Variants in OCA2 observed in about 807,000 individuals in gnomAD.
OCA2 encodes the protein OCA2 melanosomal transmembrane protein.
In OCA2, 77 loss-of-function variants were observed where a neutral mutation model predicts 100.2. That is an observed-to-expected ratio of 0.77 (90% CI 0.64 to 0.93). OCA2 has a LOEUF of 0.93. Among genes scored for constraint, OCA2 ranks in the 40% least tolerant of loss-of-function variants. The probability of loss-of-function intolerance (pLI) is 0.00; values close to 1 mark genes in which losing one functional copy is unlikely to be tolerated. For synonymous variants in OCA2, 432 were observed against 439.2 expected (o/e 0.98, Z 0.21); for missense variants, 1,062 against 1,089.1 (o/e 0.98, Z 0.35).
In OCA2 at chr15:27,818,626, G is replaced by A. The variant is rs186397687; in HGVS notation, c.2432+26333C>T. Among the ~76,000 whole-genome samples the A allele has an allele frequency of 2.4e-3, 363 of 152,260 alleles. 2 individuals carry two copies. The highest frequency in any genetic ancestry group is 3.8e-3 in the Non-Finnish European group (256 of 68,022). On this transcript the variant is annotated intron_variant, in intron 23 of 23. Transcript: ENST00000354638. ...CACCTGCCTGGTGCTCCAGGAAGGTGAATCAGGTGTGAGGATGCAGCTGGG... is the reference window on the plus strand; with the variant it reads ...CACCTGCCTGGTGCTCCAGGAAGGTAAATCAGGTGTGAGGATGCAGCTGGG...
At chr15:27,823,069 C>G (rs964962946) in intron 23 of OCA2, among the ~76,000 whole-genome samples, 12 of 152,232 alleles carry the variant, frequency 7.9e-5, no homozygotes, top group Admixed American at 5.2e-4. Flanking sequence ...TTTTCTTTCA[C>G]ATGGGTGCCA....
downstream of OCA2, among the ~76,000 whole-genome samples, chr15:27,754,210 T>C (rs536300082): frequency 2.6e-5 from 4 of 152,286 alleles, no homozygotes; most frequent in South Asian, 4.2e-4. Flanking sequence ...AAAGGGCATA[T>C]AAACACTCCC....
At chr15:27,996,108 G>T (rs1233853903) in intron 9 of OCA2, among the ~76,000 whole-genome samples, 1 of 152,140 alleles carries the variant, frequency 6.6e-6, no homozygotes, top group African/African-American at 2.4e-5. Context: ...ACCACACCCA[G>T]CCGCAACACA....
At chr15:28,004,420 T>C (rs1039113835) in intron 9 of OCA2, among the ~76,000 whole-genome samples, 1 of 152,188 alleles carries the variant, frequency 6.6e-6, no homozygotes, top group Non-Finnish European at 1.5e-5. Flanking sequence ...ACTTCCAAGC[T>C]GGGCTGCAGG....
At chr15:27,906,150 A>G (rs1196205890) in intron 19 of OCA2, among the ~76,000 whole-genome samples, 2 of 152,236 alleles carry the variant, frequency 1.3e-5, no homozygotes, top group African/African-American at 4.8e-5. Context: ...AACTTATTGT[A>G]TATTTTAAAA....
intron 2 of OCA2, among the ~76,000 whole-genome samples, chr15:28,079,654 G>A (rs547094500): frequency 1.1e-4 from 17 of 152,312 alleles, no homozygotes; most frequent in African/African-American, 3.6e-4. Flanking sequence ...AGCTCCGCAT[G>A]GGAGGTGTGG....
intron 9 of OCA2, among the ~76,000 whole-genome samples, chr15:28,005,057 G>A (rs544040184): frequency 7.6e-4 from 115 of 152,202 alleles, no homozygotes; most frequent in Non-Finnish European, 9.1e-4. Context: ...GCCTCGCCTC[G>A]CACTGCCCCT....
At chr15:27,931,028 A>G (rs946553285) in intron 18 of OCA2, among the ~76,000 whole-genome samples, 3 of 152,186 alleles carry the variant, frequency 2.0e-5, no homozygotes, top group African/African-American at 7.2e-5. Context: ...TTTCATTATA[A>G]GCACTACAGA....
chr15:28,032,792 C>CAAAAAA (rs34369918), intron 2 of OCA2, among the ~76,000 whole-genome samples: 5 of 107,520 alleles, frequency 4.7e-5, no homozygotes, highest in Non-Finnish European at 9.6e-5. Flanking sequence ...GACTCTGTCT[C>CAAAAAA]AAAAAAAAAA....
intron 23 of OCA2, among the ~76,000 whole-genome samples, chr15:27,811,719 C>T (rs1175393457): frequency 2.0e-5 from 3 of 152,130 alleles, no homozygotes; most frequent in African/African-American, 4.8e-5. Flanking sequence ...TGTCCATGTG[C>T]GTTTGCCCCT....
At chr15:27,778,491 G>T (rs1353899716) in intron 23 of OCA2, among the ~76,000 whole-genome samples, 1 of 152,140 alleles carries the variant, frequency 6.6e-6, no homozygotes, top group Non-Finnish European at 1.5e-5. Flanking sequence ...CCTTGCACAT[G>T]GTTTGAATAG....
intron 19 of OCA2, among the ~76,000 whole-genome samples, chr15:27,900,743 A>G (rs182671961): frequency 5.7e-4 from 87 of 152,318 alleles, no homozygotes; most frequent in South Asian, 1.0e-3. Flanking sequence ...CTGCTTCCTC[A>G]TGCTGGCAAG....
At chr15:27,816,519 C>T (rs1054387713) in intron 23 of OCA2, among the ~76,000 whole-genome samples, 2 of 152,172 alleles carry the variant, frequency 1.3e-5, no homozygotes, top group African/African-American at 4.8e-5. Context: ...TTTCTCAGCG[C>T]CCCAGCTCCC....
intron 2 of OCA2, among the ~76,000 whole-genome samples, chr15:28,076,285 T>G (rs1391534469): frequency 6.6e-6 from 1 of 152,222 alleles, no homozygotes; most frequent in Non-Finnish European, 1.5e-5. Flanking sequence ...GATAATGAAA[T>G]ACAGTAACCA....
chr15:27,955,296 C>T (rs2040184673), intron 16 of OCA2, 81 bp from the exon 17 acceptor site: 7 of 1,000,758 alleles, frequency 7.0e-6, no homozygotes, highest in East Asian at 2.4e-5. Context: ...CCCAGCGCTT[C>T]GTGCCTGGAC....
rs554959465 is a variant in OCA2, at chr15:27,822,773, C to G, written c.2432+22186G>C. Among the ~76,000 whole-genome samples, 7 of 152,220 alleles carry G rather than the reference C, an allele frequency of 4.6e-5. No individual in the cohort carries two copies. In the South Asian group the frequency reaches 8.3e-4, roughly 18 times the overall value. On this transcript the variant is annotated intron_variant, in intron 23 of 23. Coordinates refer to ENST00000354638, the MANE Select transcript of OCA2 (RefSeq NM_000275.3). ...CCTAATTGATTGGTAGGAGCTCTTTCCATGGTGTCACTATGAATCCTTTAC... is the reference window on the plus strand; with the variant it reads ...CCTAATTGATTGGTAGGAGCTCTTTGCATGGTGTCACTATGAATCCTTTAC...
chr15:28,073,897 T>G (rs1300349047), intron 2 of OCA2, among the ~76,000 whole-genome samples: 1 of 152,070 alleles, frequency 6.6e-6, no homozygotes. Context: ...ACTTAAGGGT[T>G]GTGTGAGGGA....
chr15:27,837,900 GA>G (rs960503284), intron 23 of OCA2, among the ~76,000 whole-genome samples: 8 of 141,046 alleles, frequency 5.7e-5, no homozygotes, highest in Non-Finnish European at 1.6e-5. Flanking sequence ...AAAAAAAAAA[GA>G]AAAAAAGCTG....
At position 27,755,307 on chromosome 15, in the gene OCA2, G is replaced by A; in HGVS notation, c.*81C>T. 9.9e-7 allele frequency: 1 copy of A among 1,015,102 alleles called. No homozygotes were observed. The allele number at this position is 1,015,102 out of a possible 1,614,324, so 62.9% of individuals were successfully genotyped here. On this transcript the variant is annotated 3_prime_UTR_variant, in exon 24 of 24. Coordinates refer to ENST00000354638, the MANE Select transcript of OCA2 (RefSeq NM_000275.3). Reference sequence around the variant, plus strand: ...GTAAGCACCTTTTCTTCTTCAAACAGTGGGGTCAGGGTAGTTTTATGACTA... The same window carrying A: ...GTAAGCACCTTTTCTTCTTCAAACAATGGGGTCAGGGTAGTTTTATGACTA...
Sources: gnomAD v4.1 joint callset for allele counts (sites outside exome capture counted in the v4.1 genomes callset) on GRCh38, gnomAD v4.1.1 for gene constraint, MANE v1.5 for transcripts, NCBI Gene and HGNC (gene_info 2026-07-23, HGNC 2026-07-21) for gene names.